The following GNAI3 variants were observed in gnomAD, a reference collection of about 807,000 sequenced individuals.
GNAI3 encodes G protein subunit alpha i3.
Under a neutral mutation model 41.8 loss-of-function variants are expected in GNAI3, and 12 were observed. The ratio of observed to expected loss-of-function variants is 0.29; its 90% confidence interval spans 0.18 to 0.47. The LOEUF (loss-of-function observed/expected upper bound fraction) is 0.47, where lower values mean the gene tolerates loss of function less well. Among genes scored for constraint, GNAI3 ranks in the 20% least tolerant of loss-of-function variants. GNAI3 has a pLI of 1.00. For synonymous variants in GNAI3, 132 were observed against 146.5 expected (o/e 0.90, Z 0.71); for missense variants, 360 against 429.6 (o/e 0.84, Z 1.43).
chr1:109,551,658 T>C (rs780424294), intron 1 of GNAI3, among the ~76,000 whole-genome samples: 1 of 152,148 alleles, frequency 6.6e-6, no homozygotes, highest in Non-Finnish European at 1.5e-5. Flanking sequence ...GGATTAAATA[T>C]GGTAATAATG....
intron 1 of GNAI3, among the ~76,000 whole-genome samples, chr1:109,564,524 C>T (rs1340508187): frequency 6.6e-6 from 1 of 152,114 alleles, no homozygotes; most frequent in Non-Finnish European, 1.5e-5. Context: ...TGAATCTTTT[C>T]CTTTGTGACC....
rs1649384144 is a variant in GNAI3 at position 109,599,030 on chromosome 1, C to T, written c.*6708C>T. The T allele has an allele frequency of 1.9e-6, 1 of 521,346 alleles. No homozygotes were observed. The highest frequency in any genetic ancestry group is 1.4e-5 in the South Asian group (1 of 70,954). 32.3% of individuals were successfully genotyped at this position (521,346 alleles called of 1,614,324 possible). On this transcript the variant is annotated 3_prime_UTR_variant, in exon 9 of 9. Coordinates refer to ENST00000369851, the MANE Select transcript of GNAI3 (RefSeq NM_006496.4). ...GTGGGTTTTGAATGCTGTTATGTCTCACCGTGGGGATGGGAAGGAATACTC... is the reference window on the plus strand; with the variant it reads ...GTGGGTTTTGAATGCTGTTATGTCTTACCGTGGGGATGGGAAGGAATACTC...
intron 1 of GNAI3, among the ~76,000 whole-genome samples, chr1:109,562,603 C>T (rs955643028): frequency 3.3e-5 from 5 of 152,074 alleles, no homozygotes; most frequent in African/African-American, 1.2e-4. Flanking sequence ...GGCTGAACAG[C>T]TTTGGTGAGC....
At chr1:109,556,466 G>T (rs1648157077) in intron 1 of GNAI3, among the ~76,000 whole-genome samples, 1 of 152,186 alleles carries the variant, frequency 6.6e-6, no homozygotes, top group South Asian at 2.1e-4. Context: ...CTGAAACATT[G>T]TGAAGAGTCT....
intron 1 of GNAI3, among the ~76,000 whole-genome samples, chr1:109,564,955 C>T (rs1443183125): frequency 6.6e-6 from 1 of 152,148 alleles, no homozygotes; most frequent in Admixed American, 6.5e-5. Context: ...TCACTGCCTT[C>T]TTTTATCCTT....
chr1:109,552,834 G>A (rs903062909), intron 1 of GNAI3, among the ~76,000 whole-genome samples: 2 of 151,990 alleles, frequency 1.3e-5, no homozygotes, highest in African/African-American at 4.8e-5. Context: ...TGTGACAAAG[G>A]TTGGGAAGCA....
At chr1:109,562,556 T>C (rs1648341059) in intron 1 of GNAI3, among the ~76,000 whole-genome samples, 1 of 152,230 alleles carries the variant, frequency 6.6e-6, no homozygotes, top group African/African-American at 2.4e-5. Flanking sequence ...TAAGTAGAAG[T>C]AAATACATAT....
rs535307821 is a variant in GNAI3, at chr1:109,582,323, G to C, written c.462-114G>C. On this transcript the variant is annotated intron_variant, in intron 4 of 8. Coordinates refer to ENST00000369851, the MANE Select transcript of GNAI3 (RefSeq NM_006496.4). The stretch of plus-strand genomic sequence containing the variant: ...TCTATGATACTGAAGATCTGATTCT[G>C]TTTTGCCACTTAATAACTAGTAACA... The C allele has an allele frequency of 3.0e-5, 21 of 697,712 alleles. 1 individual carries two copies. In the South Asian group the frequency reaches 3.4e-4, roughly 11 times the overall value. 43.2% of individuals were successfully genotyped at this position (697,712 alleles called of 1,614,324 possible). A position where few individuals can be genotyped will look rare whatever the true frequency, so the allele number is the denominator to read the frequency against.
intron 1 of GNAI3, among the ~76,000 whole-genome samples, chr1:109,551,604 T>C (rs1647983820): frequency 6.6e-6 from 1 of 152,206 alleles, no homozygotes; most frequent in South Asian, 2.1e-4. Flanking sequence ...AGTTTTCTTA[T>C]CTTTAAAATG....
chr1:109,592,792 T>G lies in GNAI3; in HGVS notation c.*470T>G, dbSNP rs1649203606. 6.5e-6 allele frequency: 1 copy of G among 152,692 alleles called. No individual in the cohort carries two copies. Among genetic ancestry groups the G allele is most frequent in the African/African-American group, 2.4e-5 (1 of 41,458 alleles). 9.5% of individuals were successfully genotyped at this position (152,692 alleles called of 1,614,324 possible). A position where few individuals can be genotyped will look rare whatever the true frequency, so the allele number is the denominator to read the frequency against. Reference sequence around the variant, plus strand: ...TAACTATGCACATGATGTGACCAGATCATCTTGAAAATATTCCTCTTTAGT... The same window carrying G: ...TAACTATGCACATGATGTGACCAGAGCATCTTGAAAATATTCCTCTTTAGT... On this transcript the variant is annotated 3_prime_UTR_variant, in exon 9 of 9. Transcript: ENST00000369851.
intron 7 of GNAI3, among the ~76,000 whole-genome samples, chr1:109,590,932 T>G (rs1649157197): frequency 6.6e-6 from 1 of 152,218 alleles, no homozygotes; most frequent in African/African-American, 2.4e-5. Context: ...ATTTTTGTTA[T>G]GCTTCACGTT....
chr1:109,559,719 A>G (rs1178339487), intron 1 of GNAI3, among the ~76,000 whole-genome samples: 5 of 152,154 alleles, frequency 3.3e-5, no homozygotes, highest in African/African-American at 1.2e-4. Flanking sequence ...TTCCCCTCCA[A>G]TTTTAATTGT....
At chr1:109,556,897 C>T (rs1224495788) in intron 1 of GNAI3, among the ~76,000 whole-genome samples, 2 of 152,142 alleles carry the variant, frequency 1.3e-5, no homozygotes, top group African/African-American at 4.8e-5. Flanking sequence ...TTAGTAAATA[C>T]ATTTTAAAAA....
intron 4 of GNAI3, among the ~76,000 whole-genome samples, chr1:109,579,830 GA>G (rs1648841524): frequency 6.6e-6 from 1 of 152,202 alleles, no homozygotes. Context: ...ACTTTGTATA[GA>G]AAGAGAAGGT....
chr1:109,578,090 G>A (rs766899033), intron 3 of GNAI3, among the ~76,000 whole-genome samples: 10 of 152,170 alleles, frequency 6.6e-5, no homozygotes, highest in Non-Finnish European at 1.5e-4. Flanking sequence ...GGGATGGATA[G>A]AATAAAGGAA....
chr1:109,571,616 T>C (rs944577766), intron 1 of GNAI3, among the ~76,000 whole-genome samples: 3 of 152,268 alleles, frequency 2.0e-5, no homozygotes, highest in African/African-American at 7.2e-5. Flanking sequence ...TTTTGAATAG[T>C]GTTTAAGCCA....
chr1:109,582,692 G>A, intron 5 of GNAI3, 127 bp downstream of exon 5: 1 of 580,720 alleles, frequency 1.7e-6, no homozygotes, highest in East Asian at 2.8e-5. Context: ...ATATTTATCA[G>A]CATTGTTTGA....
chr1:109,554,131 T>A (rs1486204456), intron 1 of GNAI3, among the ~76,000 whole-genome samples: 3 of 152,124 alleles, frequency 2.0e-5, no homozygotes, highest in African/African-American at 7.2e-5. Context: ...CACTCGTTGA[T>A]TGATGGGCAT....
At chr1:109,573,869 T>TG in intron 2 of GNAI3, 27 bp from the exon 3 acceptor site, 1 of 1,607,480 alleles carries the variant, frequency 6.2e-7, no homozygotes, top group Non-Finnish European at 8.5e-7. Context: ...TCCATGGTAT[T>TG]GACTTGTGGT....
Sources: gnomAD v4.1 joint callset for allele counts (sites outside exome capture counted in the v4.1 genomes callset) on GRCh38, gnomAD v4.1.1 for gene constraint, MANE v1.5 for transcripts, NCBI Gene and HGNC (gene_info 2026-07-23, HGNC 2026-07-21) for gene names.